LDLRAD3: variants seen among roughly 807,000 people sequenced by gnomAD.
LDLRAD3 encodes the protein low density lipoprotein receptor class A domain containing 3.
LDLRAD3 carries 20 observed loss-of-function variants against 29.4 expected under a neutral mutation model. That is an observed-to-expected ratio of 0.68 (90% confidence interval 0.48 to 0.99). LDLRAD3 has a LOEUF of 0.99. Among genes scored for constraint, LDLRAD3 ranks in the 50% least tolerant of loss-of-function variants. The probability of loss-of-function intolerance (pLI) is 0.00; values close to 1 mark genes in which losing one functional copy is unlikely to be tolerated. For synonymous variants in LDLRAD3, 157 were observed against 192.7 expected (o/e 0.81, Z 1.53); for missense variants, 420 against 454.3 (o/e 0.92, Z 0.69).
chr11:35,987,420 T>C (rs1590707335), intron 1 of LDLRAD3, among the ~76,000 whole-genome samples: 1 of 152,328 alleles, frequency 6.6e-6, no homozygotes. Context: ...CTTCCTCCTC[T>C]GTCTAGCAGT....
chr11:36,167,981 A>G (rs1854539629), intron 4 of LDLRAD3, among the ~76,000 whole-genome samples: 1 of 152,130 alleles, frequency 6.6e-6, no homozygotes, highest in Admixed American at 6.6e-5. Flanking sequence ...GGTGGGAATG[A>G]ATTGGTCAGG....
intron 4 of LDLRAD3, among the ~76,000 whole-genome samples, chr11:36,109,050 C>A (rs779214031): frequency 1.5e-4 from 23 of 152,076 alleles, no homozygotes; most frequent in Non-Finnish European, 2.9e-4. Context: ...GGAACAGGAT[C>A]AGATATCAAG....
intron 4 of LDLRAD3, among the ~76,000 whole-genome samples, chr11:36,135,238 C>T (rs1403378813): frequency 2.0e-5 from 3 of 152,142 alleles, no homozygotes; most frequent in Non-Finnish European, 4.4e-5. Flanking sequence ...AGATCAAAGC[C>T]AGAAGTCCAG....
chr11:36,172,807 T>C (rs1235946188), intron 4 of LDLRAD3, among the ~76,000 whole-genome samples: 2 of 152,164 alleles, frequency 1.3e-5, no homozygotes, highest in South Asian at 2.1e-4. Context: ...TTATGTCCTT[T>C]CCTGGTTTTG....
chr11:35,991,170 A>G (rs1318094495), intron 1 of LDLRAD3, among the ~76,000 whole-genome samples: 2 of 152,216 alleles, frequency 1.3e-5, no homozygotes, highest in South Asian at 2.1e-4. Flanking sequence ...GGTTGCGTAT[A>G]AGAGCCCCCA....
At chr11:36,200,868 T>C (rs1855117346) in intron 4 of LDLRAD3, among the ~76,000 whole-genome samples, 1 of 152,242 alleles carries the variant, frequency 6.6e-6, no homozygotes, top group African/African-American at 2.4e-5. Context: ...CTCTTGCTTA[T>C]GCTGAAAGCT....
intron 2 of LDLRAD3, among the ~76,000 whole-genome samples, chr11:36,079,666 G>A (rs1361560543): frequency 2.0e-5 from 3 of 152,166 alleles, no homozygotes; most frequent in South Asian, 2.1e-4. Context: ...GCACAGCAGC[G>A]AAGGGGCTAT....
At chr11:36,070,776 C>T (rs1397673143) in intron 2 of LDLRAD3, among the ~76,000 whole-genome samples, 2 of 152,160 alleles carry the variant, frequency 1.3e-5, no homozygotes, top group African/African-American at 4.8e-5. Flanking sequence ...GCAGGTGGAT[C>T]ACTGACTTGT....
intron 4 of LDLRAD3, among the ~76,000 whole-genome samples, chr11:36,145,265 GC>G (rs1312795173): frequency 1.1e-5 from 1 of 92,642 alleles, no homozygotes; most frequent in Admixed American, 9.3e-5. Flanking sequence ...GGGGGGGTCA[GC>G]CCCCCGCCCG....
intron 4 of LDLRAD3, among the ~76,000 whole-genome samples, chr11:36,162,479 G>A (rs1476842007): frequency 6.6e-6 from 1 of 152,206 alleles, no homozygotes; most frequent in Non-Finnish European, 1.5e-5. Context: ...TGAGTGTGAA[G>A]CTAGAACCCA....
chr11:36,093,174 A>G (rs1284262834), intron 3 of LDLRAD3, among the ~76,000 whole-genome samples: 2 of 152,244 alleles, frequency 1.3e-5, no homozygotes, highest in Non-Finnish European at 2.9e-5. Context: ...TTTCTGCTAG[A>G]CTAGACGTTC....
At chr11:36,123,826 C>T (rs1853796244) in intron 4 of LDLRAD3, among the ~76,000 whole-genome samples, 1 of 152,232 alleles carries the variant, frequency 6.6e-6, no homozygotes, top group Non-Finnish European at 1.5e-5. Flanking sequence ...TAAAGTCCGG[C>T]TGTGGCTGTA....
intron 1 of LDLRAD3, among the ~76,000 whole-genome samples, chr11:36,006,789 T>C (rs1235967683): frequency 6.6e-6 from 1 of 152,260 alleles, no homozygotes; most frequent in Non-Finnish European, 1.5e-5. Flanking sequence ...TCCACTGTTA[T>C]CACACAGGGT....
intron 1 of LDLRAD3, among the ~76,000 whole-genome samples, chr11:35,958,988 A>G (rs78584583): frequency 0.026 from 4,026 of 152,228 alleles, 71 homozygotes; most frequent in Non-Finnish European, 0.039. Flanking sequence ...TCCCAGCAGC[A>G]TTGGGCCTCC....
chr11:35,957,845 A>G (rs1411437054), intron 1 of LDLRAD3, among the ~76,000 whole-genome samples: 1 of 149,916 alleles, frequency 6.7e-6, no homozygotes, highest in Non-Finnish European at 1.5e-5. Context: ...ACAATGCCGT[A>G]CACATCTGTG....
intron 4 of LDLRAD3, among the ~76,000 whole-genome samples, chr11:36,132,095 C>A (rs761896676): frequency 3.5e-4 from 53 of 151,478 alleles, no homozygotes; most frequent in Non-Finnish European, 6.5e-4. Context: ...TGGAAACTTA[C>A]AACTAAAATT....
rs183463857 is a variant in LDLRAD3 at position 36,021,734 on chromosome 11, C to T, written c.47-14369C>T. On this transcript the variant is annotated intron_variant, in intron 1 of 5. Transcript: ENST00000315571. ...TTGGCTCACTGCAACCTCTGCCTGC[C>T]GGGCTCAAGTGATCCTCCCACCTCA... Among the ~76,000 whole-genome samples, 336 of 152,228 alleles carry T rather than the reference C, an allele frequency of 2.2e-3. 1 individual carries two copies. Among genetic ancestry groups the T allele is most frequent in the African/African-American group, 7.6e-3 (317 of 41,532 alleles).
intron 2 of LDLRAD3, among the ~76,000 whole-genome samples, chr11:36,070,944 A>G (rs1852891150): frequency 2.0e-5 from 3 of 152,270 alleles, no homozygotes; most frequent in Middle Eastern, 3.4e-3. Flanking sequence ...ATCTCACAGA[A>G]GGAGGATGCT....
chr11:36,144,174 G>A (rs1180119108), intron 4 of LDLRAD3, among the ~76,000 whole-genome samples: 10 of 151,938 alleles, frequency 6.6e-5, no homozygotes, highest in African/African-American at 2.2e-4. Flanking sequence ...CGAGTGATCC[G>A]CCAGCCTCGG....
Sources: gnomAD v4.1 joint callset for allele counts (sites outside exome capture counted in the v4.1 genomes callset) on GRCh38, gnomAD v4.1.1 for gene constraint, MANE v1.5 for transcripts, NCBI Gene and HGNC (gene_info 2026-07-23, HGNC 2026-07-21) for gene names.